NR3C2: variants seen among roughly 807,000 people sequenced by gnomAD.
The protein encoded by NR3C2 is mineralocorticoid receptor.
Under a neutral mutation model 86.4 loss-of-function variants are expected in NR3C2, and 15 were observed. That is an observed-to-expected ratio of 0.17 (90% confidence interval 0.12 to 0.27). The LOEUF (loss-of-function observed/expected upper bound fraction) is 0.27, where lower values mean the gene tolerates loss of function less well. Ranked by LOEUF, NR3C2 falls within the 10% of genes least tolerant of loss-of-function variation. The probability of loss-of-function intolerance (pLI) is 1.00; values close to 1 mark genes in which losing one functional copy is unlikely to be tolerated. For synonymous variants in NR3C2, 458 were observed against 450.5 expected (o/e 1.02, Z -0.21); for missense variants, 960 against 1,195.6 (o/e 0.80, Z 2.91).
chr4:148,119,862 C>T (rs144097570), intron 7 of NR3C2, among the ~76,000 whole-genome samples: 69 of 152,228 alleles, frequency 4.5e-4, no homozygotes, highest in African/African-American at 1.4e-3. Flanking sequence ...TTCATTAACC[C>T]TTGTGTTTCC....
chr4:148,222,954 G>A (rs989746277), intron 3 of NR3C2, among the ~76,000 whole-genome samples: 1 of 151,896 alleles, frequency 6.6e-6, no homozygotes, highest in Admixed American at 6.6e-5. Flanking sequence ...GAGAAAGAGG[G>A]AGAGGAGAAA....
intron 2 of NR3C2, among the ~76,000 whole-genome samples, chr4:148,426,985 T>TCGCTCTG (rs1749569446): frequency 6.6e-6 from 1 of 151,864 alleles, no homozygotes; most frequent in Non-Finnish European, 1.5e-5. Flanking sequence ...AGAGAGAATC[T>TCGCTCTG]CGCTCTGTCA....
At chr4:148,298,024 T>A (rs1221563600) in intron 2 of NR3C2, among the ~76,000 whole-genome samples, 1 of 152,074 alleles carries the variant, frequency 6.6e-6, no homozygotes, top group Non-Finnish European at 1.5e-5. Flanking sequence ...TTTAGAAAAA[T>A]GTCCAGCAGT....
chr4:148,260,358 A>C (rs1293230827), intron 2 of NR3C2, among the ~76,000 whole-genome samples: 1 of 152,148 alleles, frequency 6.6e-6, no homozygotes, highest in Non-Finnish European at 1.5e-5. Flanking sequence ...ATCAAATGTA[A>C]ATCTCTTTCC....
chr4:148,319,539 C>T (rs1176724508), intron 2 of NR3C2, among the ~76,000 whole-genome samples: 1 of 149,022 alleles, frequency 6.7e-6, no homozygotes, highest in African/African-American at 2.5e-5. Flanking sequence ...TGTTTGTATC[C>T]TCTTTTATTT....
intron 6 of NR3C2, among the ~76,000 whole-genome samples, chr4:148,142,128 A>C (rs1315625198): frequency 6.6e-6 from 1 of 152,196 alleles, no homozygotes; most frequent in Non-Finnish European, 1.5e-5. Flanking sequence ...ATATGCGGAG[A>C]AGCAGCAGGA....
chr4:148,311,384 G>C (rs960471667), intron 2 of NR3C2, among the ~76,000 whole-genome samples: 2 of 152,010 alleles, frequency 1.3e-5, no homozygotes, highest in African/African-American at 4.8e-5. Context: ...TCCCCATCTG[G>C]GTTAATGACA....
intron 2 of NR3C2, among the ~76,000 whole-genome samples, chr4:148,333,723 T>C (rs908323651): frequency 3.3e-5 from 5 of 152,032 alleles, no homozygotes; most frequent in Non-Finnish European, 5.9e-5. Context: ...AGCAAGGCAG[T>C]ATTAGTGCAA....
chr4:148,129,925 A>G (rs1732939373), intron 6 of NR3C2, among the ~76,000 whole-genome samples: 1 of 152,152 alleles, frequency 6.6e-6, no homozygotes, highest in Non-Finnish European at 1.5e-5. Context: ...TAAGAAACTA[A>G]TATTTGTGTT....
intron 2 of NR3C2, among the ~76,000 whole-genome samples, chr4:148,355,727 T>C (rs530668215): frequency 6.6e-6 from 1 of 152,320 alleles, no homozygotes; most frequent in East Asian, 1.9e-4. Context: ...AGGTCCACTA[T>C]GATCACTGGG....
chr4:148,133,673 C>A (rs748493778), intron 6 of NR3C2, among the ~76,000 whole-genome samples: 1 of 152,188 alleles, frequency 6.6e-6, no homozygotes, highest in East Asian at 1.9e-4. Flanking sequence ...AAGCAAAAGT[C>A]GCATTACTCC....
At chr4:148,121,383 T>C (rs1732499257) in intron 6 of NR3C2, among the ~76,000 whole-genome samples, 1 of 152,202 alleles carries the variant, frequency 6.6e-6, no homozygotes, top group South Asian at 2.1e-4. Context: ...ACTGTATGTC[T>C]TTCCTCTCCC....
At chr4:148,191,262 A>G (rs1560969630) in intron 4 of NR3C2, among the ~76,000 whole-genome samples, 1 of 152,302 alleles carries the variant, frequency 6.6e-6, no homozygotes, top group Admixed American at 6.5e-5. Flanking sequence ...ACTGGATACA[A>G]AATTTTTGGC....
At chr4:148,323,526 G>GCGAGACTCCGTGAGTGTA (rs1184294787) in intron 2 of NR3C2, among the ~76,000 whole-genome samples, 2 of 146,634 alleles carry the variant, frequency 1.4e-5, no homozygotes, top group Non-Finnish European at 3.0e-5. Context: ...CTAGCAATCA[G>GCGAGACTCCGTGAGTGTA]CGAGACTCCG....
chr4:148,115,432 G>C (rs1732230618), intron 7 of NR3C2, among the ~76,000 whole-genome samples: 1 of 152,174 alleles, frequency 6.6e-6, no homozygotes, highest in Non-Finnish European at 1.5e-5. Flanking sequence ...AGGTGATAAA[G>C]ACCTAATGAA....
intron 5 of NR3C2, among the ~76,000 whole-genome samples, chr4:148,153,225 G>T (rs568516401): frequency 9.7e-4 from 123 of 126,744 alleles, no homozygotes; most frequent in African/African-American, 3.2e-3. Context: ...TCATTCTGTC[G>T]CCCAGGCTGG....
chr4:148,143,827 G>A (rs1022762117), intron 6 of NR3C2, among the ~76,000 whole-genome samples: 1 of 151,632 alleles, frequency 6.6e-6, no homozygotes, highest in East Asian at 1.9e-4. Context: ...CATGCCTGTA[G>A]TCCCAGCTAC....
At chr4:148,221,806 A>G (rs1737863225) in intron 3 of NR3C2, among the ~76,000 whole-genome samples, 2 of 150,272 alleles carry the variant, frequency 1.3e-5, no homozygotes, top group South Asian at 4.2e-4. Context: ...AAGCAGGAGA[A>G]TTGGTTGAAC....
chr4:148,137,910 CT>C (rs1335056120), intron 6 of NR3C2, among the ~76,000 whole-genome samples: 1 of 152,010 alleles, frequency 6.6e-6, no homozygotes, highest in African/African-American at 2.4e-5. Context: ...GAAAAAAGTT[CT>C]TTTTCATAAA....
Sources: gnomAD v4.1 joint callset for allele counts (sites outside exome capture counted in the v4.1 genomes callset) on GRCh38, gnomAD v4.1.1 for gene constraint, MANE v1.5 for transcripts, NCBI Gene and HGNC (gene_info 2026-07-23, HGNC 2026-07-21) for gene names.